TRPM6: variants seen among roughly 807,000 people sequenced by gnomAD.
The protein encoded by TRPM6 is transient receptor potential cation channel subfamily M member 6, also known as channel kinase 2.
TRPM6 carries 111 observed loss-of-function variants against 247.6 expected under a neutral mutation model. The ratio of observed to expected loss-of-function variants is 0.45; its 90% CI spans 0.38 to 0.52. The LOEUF (loss-of-function observed/expected upper bound fraction) is 0.52, where lower values mean the gene tolerates loss of function less well. TRPM6 is among the 20% of genes least tolerant of loss of function. The pLI, the probability that TRPM6 is intolerant of heterozygous loss-of-function variation, is 0.00. For missense variants in TRPM6, 2,126 were observed against 2,421.5 expected, an observed-to-expected ratio of 0.88 and a Z score of 2.56; for synonymous variants, 892 against 853.8, an observed-to-expected ratio of 1.04 and a Z score of -0.78.
At chr9:74,887,497 G>A (rs1206942497) in intron 1 of TRPM6, 23 of 1,099,322 alleles carry the variant, frequency 2.1e-5, no homozygotes, top group Non-Finnish European at 3.0e-5. Flanking sequence ...CTCCTCTCCC[G>A]GGGTGTTTCC....
intron 2 of TRPM6, among the ~76,000 whole-genome samples, chr9:74,856,887 C>T (rs1157352107): frequency 2.0e-5 from 3 of 152,102 alleles, no homozygotes; most frequent in African/African-American, 7.2e-5. Flanking sequence ...CATACCTTAA[C>T]TTTTATCTAC....
intron 33 of TRPM6, among the ~76,000 whole-genome samples, chr9:74,741,779 G>T (rs1234091420): frequency 5.9e-5 from 9 of 151,792 alleles, no homozygotes; most frequent in Admixed American, 5.9e-4. Context: ...AATCCCAGCT[G>T]CATGAGAGGC....
chr9:74,856,905 CA>C (rs1830544707), intron 2 of TRPM6, among the ~76,000 whole-genome samples: 1 of 152,114 alleles, frequency 6.6e-6, no homozygotes, highest in South Asian at 2.1e-4. Context: ...TACAATCCCA[CA>C]ATATAGAGAC....
At position 74,887,592 on chromosome 9, in the gene TRPM6, C is replaced by T. The variant is rs545038502; in HGVS notation, c.33+232G>A. ...TATGGCCGCATCCCAGCTCTTGAAA[C>T]GGGGGCTGCGGGACCTGCCCTGTAG... On this transcript the variant is annotated intron_variant, in intron 1 of 38. Transcript: ENST00000360774. The T allele has an allele frequency of 1.6e-5, 24 of 1,520,182 alleles. No individual in the cohort carries two copies. In the South Asian group the frequency reaches 2.6e-4, roughly 17 times the overall value. 94.2% of individuals were successfully genotyped at this position (1,520,182 alleles called of 1,614,324 possible). A position where few individuals can be genotyped will look rare whatever the true frequency, so the allele number is the denominator to read the frequency against.
chr9:74,855,550 G>C lies in TRPM6; in HGVS notation c.129C>G (p.Cys43Trp). 6.2e-7 allele frequency: 1 copy of C among 1,607,242 alleles called. No homozygotes were observed. Among genetic ancestry groups the C allele is most frequent in the Non-Finnish European group, 8.5e-7 (1 of 1,174,074 alleles). ...ACCTGATTAAATTCTGGCAGACTTGGCATACTGGAGTACATCTAAATTAAA... is the reference window on the plus strand; with the variant it reads ...ACCTGATTAAATTCTGGCAGACTTGCCATACTGGAGTACATCTAAATTAAA... Reference protein sequence around the residue: ...SKNPHRCTPVCQVCQNLIRCY... With the variant: ...SKNPHRCTPVWQVCQNLIRCY... Residue 43 changes from cysteine (C) to tryptophan (W), a missense_variant, in exon 3 of 39, where the codon TGC (cysteine) becomes TGG (tryptophan). Cys to Trp is a radical substitution (Grantham distance 215). Transcript: ENST00000360774.
chr9:74,791,728 T>C (rs1313379969), intron 19 of TRPM6, among the ~76,000 whole-genome samples: 4 of 152,144 alleles, frequency 2.6e-5, no homozygotes, highest in Admixed American at 6.5e-5. Context: ...ATATAACACA[T>C]TCCTACAAAC....
At chr9:74,843,918 A>T (rs566968022) in intron 3 of TRPM6, among the ~76,000 whole-genome samples, 1 of 152,214 alleles carries the variant, frequency 6.6e-6, no homozygotes, top group African/African-American at 2.4e-5. Flanking sequence ...AACAACATTC[A>T]TCTCCTTGTA....
intron 1 of TRPM6, among the ~76,000 whole-genome samples, chr9:74,867,778 T>C (rs1482623943): frequency 6.6e-6 from 1 of 152,184 alleles, no homozygotes; most frequent in East Asian, 1.9e-4. Context: ...TTTTAAAACA[T>C]TGAAACCTCG....
intron 19 of TRPM6, among the ~76,000 whole-genome samples, chr9:74,791,674 C>G (rs540625950): frequency 3.2e-4 from 48 of 152,266 alleles, no homozygotes; most frequent in Middle Eastern, 3.4e-3. Context: ...TAAACATATA[C>G]TACTGAAGGC....
At chr9:74,746,744 C>T (rs1413393857) in intron 31 of TRPM6, among the ~76,000 whole-genome samples, 1 of 148,716 alleles carries the variant, frequency 6.7e-6, no homozygotes, top group Admixed American at 6.8e-5. Context: ...CAAACGAAAG[C>T]ATACACTTCT....
Position 74,762,183 on chromosome 9 carries a change from G to C in TRPM6, c.4488C>G (p.Asp1496Glu). The change falls in exon 26 of 39, where the codon GAC becomes GAG. Residue 1496 changes from aspartate to glutamate, a missense_variant. By Grantham distance (45) the Asp-to-Glu change is conservative. This residue lies in a region of TRPM6 where 717 missense variants were observed against 715.9 expected (regional missense o/e 1.00). Coordinates refer to ENST00000360774, the MANE Select transcript of TRPM6 (RefSeq NM_017662.5). The part of the protein sequence containing the change: ...RSEQHQKQAQ[D>E]SSLSDNSTRS... ...TTGTTGAGTTATCAGATAGGGAGCT[G>C]TCCTGGGCCTGCTTCTGGTGCTGTT... The C allele has an allele frequency of 6.2e-7, 1 of 1,614,226 alleles. No individual in the cohort carries two copies. The highest frequency in any genetic ancestry group is 1.6e-4 in the Middle Eastern group (1 of 6,062).
At chr9:74,728,520 A>G (rs890805701) in intron 37 of TRPM6, among the ~76,000 whole-genome samples, 175 bp from the exon 38 acceptor site, 3 of 152,192 alleles carry the variant, frequency 2.0e-5, no homozygotes, top group African/African-American at 7.2e-5. Flanking sequence ...TAAAATTCAA[A>G]TGCACTTAAA....
Position 74,786,099 on chromosome 9 carries a change from A to G in TRPM6, c.2694T>C (p.Phe898=). ...REICISEPGK[F]TQKVKVWISE... is the part of the protein sequence containing the mutation. ...TAATCCATACCTTCACCTTTTGGGT[A>G]AACTTCCCAGGTTCTGAAATACAGA... The change falls in exon 21 of 39, where the codon TTT becomes TTC. Residue 898 remains phenylalanine (F), a synonymous_variant. Coordinates refer to ENST00000360774, the MANE Select transcript of TRPM6 (RefSeq NM_017662.5). 6.2e-7 allele frequency: 1 copy of G among 1,614,212 alleles called. No homozygotes were observed. The highest frequency in any genetic ancestry group is 1.1e-5 in the South Asian group (1 of 91,086).
Position 74,877,838 on chromosome 9 carries a change from G to A in TRPM6, c.33+9986C>T, listed in dbSNP as rs115814579. Among the ~76,000 whole-genome samples, 1,421 of 152,226 alleles carry A rather than the reference G, an allele frequency of 9.3e-3. 30 individuals carry two copies. The highest frequency in any genetic ancestry group is 0.033 in the African/African-American group (1,358 of 41,528). On this transcript the variant is annotated intron_variant, in intron 1 of 38. Coordinates refer to ENST00000360774, the MANE Select transcript of TRPM6 (RefSeq NM_017662.5). Reference sequence around the variant, plus strand: ...CCAGCAGCAGGGCCACAATGCAGCCGCTGCCACTCCAACTCAGGCATTCCA... The same window carrying A: ...CCAGCAGCAGGGCCACAATGCAGCCACTGCCACTCCAACTCAGGCATTCCA...
At chr9:74,858,395 C>CAAAAAAACAAAAAG (rs1227326751) in intron 2 of TRPM6, among the ~76,000 whole-genome samples, 1 of 152,058 alleles carries the variant, frequency 6.6e-6, no homozygotes, top group Non-Finnish European at 1.5e-5. Flanking sequence ...CTCAAAAAAA[C>CAAAAAAACAAAAAG]AAAAACACAG....
rs1828268273 is a variant in TRPM6, at chr9:74,800,197, A to G, written c.2238+57T>C. Reference sequence around the variant, plus strand: ...TTCTGGAACAAAATGTAACTCGAGTACAGAATTTTATACAAGACTAACATT... The same window carrying G: ...TTCTGGAACAAAATGTAACTCGAGTGCAGAATTTTATACAAGACTAACATT... On this transcript the variant is annotated intron_variant, in intron 17 of 38. Transcript: ENST00000360774. 1.0e-5 allele frequency: 15 copies of G among 1,496,942 alleles called. No individual in the cohort carries two copies. The South Asian group carries it at 1.6e-4, about 16-fold the overall frequency. 92.7% of individuals were successfully genotyped at this position (1,496,942 alleles called of 1,614,324 possible).
intron 7 of TRPM6, chr9:74,827,577 A>T: frequency 1.5e-6 from 1 of 685,388 alleles, no homozygotes; most frequent in East Asian, 2.7e-5. Flanking sequence ...ACTTTAGTGG[A>T]TCCTCGAAGT....
chr9:74,803,977 T>C, intron 14 of TRPM6, 91 bp from the exon 15 acceptor site: 1 of 827,044 alleles, frequency 1.2e-6, no homozygotes, highest in South Asian at 1.3e-5. Context: ...ATTATAGTGG[T>C]AACAATATTT....
intron 37 of TRPM6, among the ~76,000 whole-genome samples, chr9:74,731,056 C>T (rs561557397): frequency 6.6e-6 from 1 of 152,228 alleles, no homozygotes; most frequent in African/African-American, 2.4e-5. Flanking sequence ...GATGCCAATC[C>T]TTGGCTTTTG....
Sources: allele counts gnomAD v4.1 joint callset (sites outside exome capture counted in the v4.1 genomes callset), GRCh38; gene constraint gnomAD v4.1.1; regional missense constraint gnomAD v4.1.1; transcripts MANE v1.5; gene names NCBI Gene and HGNC (gene_info 2026-07-23, HGNC 2026-07-21).